OOSP1: variants seen among roughly 807,000 people sequenced by gnomAD.
OOSP1 encodes oocyte secreted protein 1, also known as putative oocyte-secreted protein 1 homolog.
A neutral mutation model predicts 5.7 loss-of-function variants in OOSP1; 11 were observed. The ratio of observed to expected loss-of-function variants is 1.94; its 90% CI spans 1.22 to 3.20. OOSP1 has a LOEUF of 3.20. OOSP1 is among the 30% of genes most tolerant of loss of function. The pLI is 0.00. For synonymous variants in OOSP1, 44 were observed against 20.0 expected (o/e 2.20, Z -3.20); for missense variants, 83 against 54.1 (o/e 1.53, Z -1.67).
At chr11:59,956,322 T>C (rs959674618) in intron 4 of OOSP1, among the ~76,000 whole-genome samples, 3 of 152,246 alleles carry the variant, frequency 2.0e-5, no homozygotes, top group South Asian at 2.1e-4. Context: ...CAGGGAGTCA[T>C]GGCTAAGTTA....
intron 2 of OOSP1, among the ~76,000 whole-genome samples, chr11:59,944,273 C>CT (rs1853859546): frequency 6.8e-6 from 1 of 147,290 alleles, no homozygotes; most frequent in Non-Finnish European, 1.5e-5. Flanking sequence ...GGTCAACAAG[C>CT]CCTTAGGGGA....
At chr11:59,939,724 CTCT>C (rs1215172803) in intron 1 of OOSP1, among the ~76,000 whole-genome samples, 1 of 150,796 alleles carries the variant, frequency 6.6e-6, no homozygotes. Flanking sequence ...CTTTCTCTTT[CTCT>C]TCTTTTTCTC....
At chr11:59,948,216 G>T (rs1283812012) in intron 4 of OOSP1, among the ~76,000 whole-genome samples, 2 of 152,146 alleles carry the variant, frequency 1.3e-5, no homozygotes. Context: ...CTACAAAGTG[G>T]CTTAGATATG....
At chr11:59,953,508 A>G (rs912312934) in intron 4 of OOSP1, among the ~76,000 whole-genome samples, 23 of 152,194 alleles carry the variant, frequency 1.5e-4, no homozygotes, top group African/African-American at 5.3e-4. Context: ...CTTCATGTCA[A>G]AATTAAAGCA....
chr11:59,952,033 A>G (rs1329602270), intron 4 of OOSP1, among the ~76,000 whole-genome samples: 1 of 152,118 alleles, frequency 6.6e-6, no homozygotes. Context: ...AATATGAATC[A>G]ATGGAATGGA....
intron 4 of OOSP1, among the ~76,000 whole-genome samples, chr11:59,949,902 A>G (rs1483948498): frequency 6.6e-6 from 1 of 152,142 alleles, no homozygotes. Context: ...ATGTATCTGG[A>G]AGCAGCTTTG....
intron 1 of OOSP1, among the ~76,000 whole-genome samples, chr11:59,939,255 CCTTT>C (rs1246350207): frequency 2.7e-5 from 4 of 149,932 alleles, no homozygotes; most frequent in Non-Finnish European, 4.4e-5. Flanking sequence ...TTCTTTTCTT[CCTTT>C]CTTTTTTTTT....
intron 4 of OOSP1, among the ~76,000 whole-genome samples, chr11:59,949,482 A>T (rs192124931): frequency 6.6e-6 from 1 of 152,074 alleles, no homozygotes; most frequent in East Asian, 1.9e-4. Context: ...CCTAAAACTT[A>T]AAGTATAATA....
Position 59,945,271 on chromosome 11 carries a change from G to T in OOSP1, c.356+5G>T. On this transcript the variant is annotated splice_donor_5th_base_variant and intron_variant, in intron 3 of 4. Transcript: ENST00000646685. ...TCTGTCGTGTGTCGTCCACAAGTGA[G>T]TATGGAATGCCAAACCCCTGTCCTA... 1.4e-6 allele frequency: 1 copy of T among 703,014 alleles called. No homozygotes were observed. Among genetic ancestry groups the T allele is most frequent in the Non-Finnish European group, 2.6e-6 (1 of 384,970 alleles). The allele number at this position is 703,014 out of a possible 1,614,324, so 43.5% of individuals were successfully genotyped here. A position where few individuals can be genotyped will look rare whatever the true frequency, so the allele number is the denominator to read the frequency against.
At chr11:59,944,073 C>T (rs965450427) in intron 2 of OOSP1, among the ~76,000 whole-genome samples, 1 of 152,114 alleles carries the variant, frequency 6.6e-6, no homozygotes, top group Non-Finnish European at 1.5e-5. Flanking sequence ...AGCTGTGATG[C>T]AGGCTTAGAG....
intron 3 of OOSP1, among the ~76,000 whole-genome samples, chr11:59,946,118 T>C (rs1349897855): frequency 6.6e-6 from 1 of 151,948 alleles, no homozygotes; most frequent in Non-Finnish European, 1.5e-5. Flanking sequence ...CAGAAGGAGG[T>C]GAGCAGCAAG....
intron 1 of OOSP1, among the ~76,000 whole-genome samples, chr11:59,940,440 C>T (rs1235718195): frequency 3.9e-5 from 6 of 152,164 alleles, no homozygotes; most frequent in South Asian, 2.1e-4. Context: ...TACAATTTTA[C>T]GTCAAATTTG....
At chr11:59,953,618 C>A (rs1853961577) in intron 4 of OOSP1, among the ~76,000 whole-genome samples, 2 of 152,080 alleles carry the variant, frequency 1.3e-5, no homozygotes, top group South Asian at 4.2e-4. Context: ...TGTTTCTGTA[C>A]CCTACAACTG....
intron 1 of OOSP1, among the ~76,000 whole-genome samples, chr11:59,940,110 C>T (rs1326484765): frequency 1.3e-5 from 2 of 152,178 alleles, no homozygotes; most frequent in African/African-American, 2.4e-5. Context: ...TCAAGCTACC[C>T]GTTCAACAAG....
At chr11:59,941,540 T>A (rs1853825141) in intron 1 of OOSP1, among the ~76,000 whole-genome samples, 1 of 151,936 alleles carries the variant, frequency 6.6e-6, no homozygotes, top group Non-Finnish European at 1.5e-5. Context: ...CCACCATGCC[T>A]GGCTAATTTT....
intron 3 of OOSP1, among the ~76,000 whole-genome samples, chr11:59,946,995 C>A (rs1853891842): frequency 1.3e-5 from 2 of 151,102 alleles, no homozygotes; most frequent in African/African-American, 2.4e-5. Flanking sequence ...CCCACAAAAA[C>A]TAAAAATAAA....
rs555136868 is a variant in OOSP1 at position 59,957,394 on chromosome 11, A to G, written c.*131A>G. 20 of 390,244 alleles carry G rather than the reference A, an allele frequency of 5.1e-5. No homozygotes were observed. The Middle Eastern group carries it at 2.0e-3, about 38-fold the overall frequency. The allele number at this position is 390,244 out of a possible 1,614,324, so 24.2% of individuals were successfully genotyped here. A position where few individuals can be genotyped will look rare whatever the true frequency, so the allele number is the denominator to read the frequency against. ...GTCATCCTGGAATGTCTGTTTAATG[A>G]TGATACTGGTTTCTGTTTTAAAATG... On this transcript the variant is annotated 3_prime_UTR_variant, in exon 5 of 5. Transcript: ENST00000646685.
chr11:59,955,748 C>A (rs1018253507), intron 4 of OOSP1, among the ~76,000 whole-genome samples: 2 of 152,028 alleles, frequency 1.3e-5, no homozygotes, highest in Admixed American at 6.6e-5. Context: ...CCTCCCACTT[C>A]TCAGTCTCTG....
intron 4 of OOSP1, among the ~76,000 whole-genome samples, chr11:59,954,323 C>T (rs1228765054): frequency 1.3e-5 from 2 of 152,080 alleles, no homozygotes; most frequent in Non-Finnish European, 2.9e-5. Context: ...TCCATGAAAG[C>T]AGACATGTGC....
Sources: allele counts gnomAD v4.1 joint callset (sites outside exome capture counted in the v4.1 genomes callset), GRCh38; gene constraint gnomAD v4.1.1; transcripts MANE v1.5; gene names NCBI Gene and HGNC (gene_info 2026-07-23, HGNC 2026-07-21).